Variants in GUCY2C observed in about 807,000 individuals in gnomAD.
GUCY2C encodes the protein guanylyl cyclase C.
A neutral mutation model predicts 131.1 loss-of-function variants in GUCY2C; 118 were observed. That is an observed-to-expected ratio of 0.90 (90% CI 0.78 to 1.05). The LOEUF is 1.05. Among genes scored for constraint, GUCY2C ranks in the 50% least tolerant of loss-of-function variants. GUCY2C has a pLI of 0.00. For synonymous variants in GUCY2C, 452 were observed against 457.8 expected (o/e 0.99, Z 0.16); for missense variants, 1,161 against 1,304.4 (o/e 0.89, Z 1.69).
intron 24 of GUCY2C, among the ~76,000 whole-genome samples, chr12:14,618,099 T>C (rs992623605): frequency 2.6e-5 from 4 of 152,248 alleles, no homozygotes; most frequent in African/African-American, 7.2e-5. Context: ...GCTACCACTG[T>C]CATCAATATT....
Position 14,683,205 on chromosome 12 carries a change from A to G in GUCY2C, c.448T>C (p.Ser150Pro). 1 of 1,613,670 alleles carries G rather than the reference A, an allele frequency of 6.2e-7. No individual in the cohort carries two copies. Among genetic ancestry groups the G allele is most frequent in the Admixed American group, 1.7e-5 (1 of 59,992 alleles). Reference sequence around the variant, plus strand: ...GTTAAGGTTTCTTTATAGTCACATGACAATCCAAAACTTCCAGCTGAGATC... The same window carrying G: ...GTTAAGGTTTCTTTATAGTCACATGGCAATCCAAAACTTCCAGCTGAGATC... ...PMISAGSFGL[S>P]CDYKETLTRL... The change falls in exon 4 of 27, where the codon TCA (serine) becomes CCA (proline). Residue 150 changes from serine to proline, a missense_variant. Coordinates refer to ENST00000261170, the MANE Select transcript of GUCY2C (RefSeq NM_004963.4).
intron 3 of GUCY2C, 135 bp downstream of exon 3, chr12:14,686,026 T>C (rs1311712157): frequency 3.3e-6 from 2 of 610,984 alleles, no homozygotes; most frequent in African/African-American, 1.9e-5. Context: ...GATAAGAGAA[T>C]GACAGTTATG....
chr12:14,693,392 C>A lies in GUCY2C; in HGVS notation c.217+2840G>T, dbSNP rs137924614. Among the ~76,000 whole-genome samples, 25 of 152,144 alleles carry A rather than the reference C, an allele frequency of 1.6e-4. 1 individual carries two copies. In the South Asian group the frequency reaches 4.8e-3, roughly 29 times the overall value. On this transcript the variant is annotated intron_variant, in intron 1 of 26. Coordinates refer to ENST00000261170, the MANE Select transcript of GUCY2C (RefSeq NM_004963.4). The stretch of plus-strand genomic sequence containing the variant: ...CCTCAGGGAGGTGATGTCATGAAGT[C>A]GAAGGAATCTCTTTTTTTCATGTTC...
intron 19 of GUCY2C, among the ~76,000 whole-genome samples, chr12:14,637,848 C>A (rs201888914): frequency 6.6e-6 from 1 of 152,084 alleles, no homozygotes; most frequent in Non-Finnish European, 1.5e-5. Flanking sequence ...CTCAAAAGCA[C>A]AGGCAACCAA....
chr12:14,657,021 C>T (rs896182324), intron 11 of GUCY2C, among the ~76,000 whole-genome samples: 1 of 152,226 alleles, frequency 6.6e-6, no homozygotes, highest in Non-Finnish European at 1.5e-5. Context: ...ATCTAATGCC[C>T]TGACTGATCC....
At chr12:14,683,846 GTTTTTCATTTATTTTAGTGTTTTGAGAT>G (rs1948403349) in intron 3 of GUCY2C, among the ~76,000 whole-genome samples, 1 of 152,046 alleles carries the variant, frequency 6.6e-6, no homozygotes, top group Non-Finnish European at 1.5e-5. Context: ...CCTCCAAACT[GTTTTTCATTTATTTTAGTGTTTTGAGAT>G]TTTTTCATTT....
intron 25 of GUCY2C, among the ~76,000 whole-genome samples, chr12:14,615,626 G>A (rs963430745): frequency 6.9e-6 from 1 of 145,762 alleles, no homozygotes; most frequent in Non-Finnish European, 1.5e-5. Context: ...TTAAAAATGA[G>A]TGATTGATAT....
chr12:14,630,254 C>T (rs1231082175), intron 19 of GUCY2C, among the ~76,000 whole-genome samples: 1 of 151,842 alleles, frequency 6.6e-6, no homozygotes, highest in Admixed American at 6.6e-5. Flanking sequence ...ACTAGAGCCG[C>T]GGTATAGCCT....
chr12:14,654,974 A>G (rs1240306468), intron 12 of GUCY2C, among the ~76,000 whole-genome samples: 2 of 152,242 alleles, frequency 1.3e-5, no homozygotes, highest in Non-Finnish European at 2.9e-5. Flanking sequence ...TTTTGTAACA[A>G]ATGGCTGGGT....
chr12:14,637,992 C>T (rs141922873), intron 19 of GUCY2C, among the ~76,000 whole-genome samples: 78 of 152,110 alleles, frequency 5.1e-4, no homozygotes, highest in African/African-American at 1.8e-3. Context: ...GATGATATTC[C>T]AGAATATACA....
intron 7 of GUCY2C, 81 bp from the exon 8 acceptor site, chr12:14,674,841 T>G (rs1948194278): frequency 4.7e-6 from 5 of 1,068,392 alleles, no homozygotes; most frequent in African/African-American, 1.6e-5. Context: ...GTTGTTGGGA[T>G]CAGCAGGGTT....
At chr12:14,669,638 AG>A in intron 10 of GUCY2C, 83 bp downstream of exon 10, 1 of 710,456 alleles carries the variant, frequency 1.4e-6, no homozygotes, top group African/African-American at 1.8e-5. Context: ...CAAAAAGCAC[AG>A]GCTAATTACA....
At chr12:14,617,181 G>C (rs1015338037) in intron 24 of GUCY2C, among the ~76,000 whole-genome samples, 10 of 152,184 alleles carry the variant, frequency 6.6e-5, no homozygotes, top group Admixed American at 4.6e-4. Flanking sequence ...CCCAGAAGCA[G>C]ATGCAGGTGC....
chr12:14,620,083 G>GT (rs901255316), intron 23 of GUCY2C, among the ~76,000 whole-genome samples: 19 of 152,252 alleles, frequency 1.2e-4, no homozygotes, highest in South Asian at 6.2e-4. Flanking sequence ...TCTTACAGGT[G>GT]TTTTTTCTAT....
At chr12:14,673,382 ATTAC>A (rs1948156825) in intron 8 of GUCY2C, among the ~76,000 whole-genome samples, 1 of 152,194 alleles carries the variant, frequency 6.6e-6, no homozygotes, top group African/African-American at 2.4e-5. Flanking sequence ...ATTGAATAAA[ATTAC>A]TTAAGTTTTC....
chr12:14,620,972 T>C, intron 23 of GUCY2C, 70 bp downstream of exon 23: 1 of 1,242,502 alleles, frequency 8.0e-7, no homozygotes, highest in East Asian at 2.4e-5. Flanking sequence ...AGACCTTTTA[T>C]CCTTTCTGAT....
rs140877798 is a variant in GUCY2C at position 14,625,929 on chromosome 12, T to C, written c.2250-14A>G. On this transcript the variant is annotated splice_polypyrimidine_tract_variant and intron_variant, in intron 20 of 26. Coordinates refer to ENST00000261170, the MANE Select transcript of GUCY2C (RefSeq NM_004963.4). Reference sequence around the variant, plus strand: ...TCATGAAAAAGTCTGTAGGTAGTAATAGATAAAGAGCTCTTATATATTATT... The same window carrying C: ...TCATGAAAAAGTCTGTAGGTAGTAACAGATAAAGAGCTCTTATATATTATT... 3 of 1,526,326 alleles carry C rather than the reference T, an allele frequency of 2.0e-6. No individual in the cohort carries two copies. The highest frequency in any genetic ancestry group is 1.4e-5 in the African/African-American group (1 of 73,098). 94.5% of individuals were successfully genotyped at this position (1,526,326 alleles called of 1,614,324 possible).
At chr12:14,672,760 C>T (rs151144116) in intron 9 of GUCY2C, 113 bp downstream of exon 9, 174 of 689,258 alleles carry the variant, frequency 2.5e-4, no homozygotes, top group Middle Eastern at 8.1e-4. Context: ...AATGAACTGT[C>T]TTCAGATCCT....
chr12:14,613,650 A>G lies in GUCY2C; in HGVS notation c.3048-359T>C, dbSNP rs558344327. ...AACTCATTGGTCCCACACATACTTA[A>G]CAGTGTGAGTCTTGTTTGGGGAAGG... On this transcript the variant is annotated intron_variant, in intron 26 of 26. Transcript: ENST00000261170. This position sits in a 1 kb window ranked among gnomAD's most constrained non-coding sequence, Gnocchi z 4.9. 1.3e-5 allele frequency among the ~76,000 whole-genome samples: 2 copies of G among 152,224 alleles called. No individual in the cohort carries two copies. Among genetic ancestry groups the G allele is most frequent in the South Asian group, 4.1e-4 (2 of 4,826 alleles).
Sources: allele counts gnomAD v4.1 joint callset (sites outside exome capture counted in the v4.1 genomes callset), GRCh38; gene constraint gnomAD v4.1.1; non-coding constraint Gnocchi (gnomAD v3.1); transcripts MANE v1.5; gene names NCBI Gene and HGNC (gene_info 2026-07-23, HGNC 2026-07-21).